SALL3: variants seen among roughly 807,000 people sequenced by gnomAD.
SALL3 encodes sal-like protein 3.
A neutral mutation model predicts 66.2 loss-of-function variants in SALL3; 25 were observed. That is an observed-to-expected ratio of 0.38 (90% confidence interval 0.28 to 0.53). The LOEUF is 0.53. SALL3 is among the 20% of genes least tolerant of loss of function. The pLI, the probability that SALL3 is intolerant of heterozygous loss-of-function variation, is 0.85. For missense variants in SALL3, 2,194 were observed against 1,916.5 expected, an observed-to-expected ratio of 1.14 and a Z score of -2.70; for synonymous variants, 1,152 against 899.1, an observed-to-expected ratio of 1.28 and a Z score of -5.03.
Position 78,980,352 on chromosome 18 carries a change from G to A in SALL3, c.78G>A (p.Glu26=). 1 of 1,437,582 alleles carries A rather than the reference G, an allele frequency of 7.0e-7. No individual in the cohort carries two copies. The highest frequency in any genetic ancestry group is 9.2e-7 in the Non-Finnish European group (1 of 1,089,780). 89.1% of individuals were successfully genotyped at this position (1,437,582 alleles called of 1,614,324 possible). ...TGCTGCCGCCTGACGGGGCTCCCGA[G>A]CACGGTGAGGGCCGGGGCTGCGGGG... is the stretch of plus-strand genomic sequence containing the variant. ...EELLPPDGAP[E]HAAPGEGAED... Residue 26 remains glutamate (E), a synonymous_variant, in exon 1 of 3, where the codon GAG becomes GAA. Transcript: ENST00000537592.
In SALL3 at chr18:78,979,994, AG is replaced by A. The variant is rs1232172924; in HGVS notation, c.-279del. 1.4e-5 allele frequency among the ~76,000 whole-genome samples: 2 copies of A among 144,328 alleles called. No homozygotes were observed. Among genetic ancestry groups the A allele is most frequent in the Non-Finnish European group, 3.1e-5 (2 of 65,206 alleles). 94.7% of individuals were successfully genotyped at this position (144,328 alleles called of 152,430 possible). A position where few individuals can be genotyped will look rare whatever the true frequency, so the allele number is the denominator to read the frequency against. On this transcript the variant is annotated 5_prime_UTR_variant, in exon 1 of 3. Transcript: ENST00000537592. ...CCGGGCAGCGCGCGCCCCGGTCCCG[AG>A]GCGCCGCGGCCCCCTCCTCGTCGGC... is the stretch of plus-strand genomic sequence containing the variant.
chr18:78,996,979 G>T lies in SALL3; in HGVS notation c.3560G>T (p.Gly1187Val), dbSNP rs776658440. 1.9e-6 allele frequency: 3 copies of T among 1,613,950 alleles called. No individual in the cohort carries two copies. Among genetic ancestry groups the T allele is most frequent in the Non-Finnish European group, 1.7e-6 (2 of 1,180,050 alleles). Residue 1187 changes from glycine to valine, a missense_variant, in exon 3 of 3, where the codon GGT (glycine) becomes GTT (valine). Physicochemically the swap from Gly to Val is moderately radical, Grantham distance 109 (BLOSUM62 -3). Coordinates refer to ENST00000537592, the MANE Select transcript of SALL3 (RefSeq NM_171999.4). The stretch of plus-strand genomic sequence containing the variant: ...GAGAACCCCATGGCTCTCCTAGGGG[G>T]TGATGCCCTGAAGTTCTCTGAAATG... ...SVENPMALLG[G>V]DALKFSEMFQ...
At chr18:78,980,673 G>A (rs1914013925) in intron 1 of SALL3, among the ~76,000 whole-genome samples, 1 of 151,458 alleles carries the variant, frequency 6.6e-6, no homozygotes, top group African/African-American at 2.4e-5. Flanking sequence ...GGAGTCCACG[G>A]TGCCTCCGCC....
In SALL3 at chr18:78,989,870, A is replaced by C. The variant is rs189806620; in HGVS notation, c.83-2204A>C. On this transcript the variant is annotated intron_variant, in intron 1 of 2. Transcript: ENST00000537592. Reference sequence around the variant, plus strand: ...CATATAGATGTGTATGGATGGTTTAATGCAGATGAACTTTTTAAGTGGCTA... The same window carrying C: ...CATATAGATGTGTATGGATGGTTTACTGCAGATGAACTTTTTAAGTGGCTA... Among the ~76,000 whole-genome samples, 4 of 152,360 alleles carry C rather than the reference A, an allele frequency of 2.6e-5. No homozygotes were observed. The East Asian group carries it at 7.7e-4, about 29-fold the overall frequency.
chr18:78,988,096 G>A (rs1207093599), intron 1 of SALL3, among the ~76,000 whole-genome samples: 1 of 152,164 alleles, frequency 6.6e-6, no homozygotes, highest in Non-Finnish European at 1.5e-5. Flanking sequence ...AAAAGTTTAG[G>A]CCATATTAAT....
Position 78,993,842 on chromosome 18 carries a change from T to C in SALL3, c.1851T>C (p.Ala617=), listed in dbSNP as rs1339873455. Residue 617 remains alanine (A), a synonymous_variant, in exon 2 of 3, where the codon GCT becomes GCC. Coordinates refer to ENST00000537592, the MANE Select transcript of SALL3 (RefSeq NM_171999.4). ...RAGDAPVGAQ[A]SAAPTSVDGA... is the part of the protein sequence containing the mutation. ...GGGACGCTCCCGTGGGCGCGCAGGCTAGCGCTGCACCCACATCGGTGGACG... is the reference window on the plus strand; with the variant it reads ...GGGACGCTCCCGTGGGCGCGCAGGCCAGCGCTGCACCCACATCGGTGGACG... 12 of 1,560,554 alleles carry C rather than the reference T, an allele frequency of 7.7e-6. No homozygotes were observed. Among genetic ancestry groups the C allele is most frequent in the African/African-American group, 4.1e-5 (3 of 73,456 alleles).
At position 78,996,942 on chromosome 18, in the gene SALL3, C is replaced by T. The variant is rs756550099; in HGVS notation, c.3523C>T (p.Arg1175Cys). 6.8e-6 allele frequency: 11 copies of T among 1,613,200 alleles called. No individual in the cohort carries two copies. The highest frequency in any genetic ancestry group is 5.5e-5 in the South Asian group (5 of 91,080). ...WNNAPARRGR[R>C]LSVENPMALL... The stretch of plus-strand genomic sequence containing the variant: ...TAACGCCCCCGCGAGACGCGGCCGC[C>T]GCCTGTCTGTGGAGAACCCCATGGC... Residue 1175 changes from arginine (R) to cysteine (C), a missense_variant, in exon 3 of 3, where the codon CGC (arginine) becomes TGC (cysteine). Arg to Cys is a radical substitution (Grantham distance 180, BLOSUM62 -3). Transcript: ENST00000537592.
In SALL3 at chr18:78,992,838, C is replaced by T; in HGVS notation, c.847C>T (p.Pro283Ser). 2.3e-5 allele frequency: 23 copies of T among 980,274 alleles called. No individual in the cohort carries two copies. Among genetic ancestry groups the T allele is most frequent in the Non-Finnish European group, 2.8e-5 (23 of 828,142 alleles). 60.7% of individuals were successfully genotyped at this position (980,274 alleles called of 1,614,324 possible). ...AAIAGSGPAA[P>S]AAFEGAQPLS... is the part of the protein sequence containing the mutation. ...CATCGCGGGCTCGGGCCCCGCCGCC[C>T]CGGCCGCCTTCGAGGGCGCGCAGCC... Residue 283 changes from proline to serine, a missense_variant, in exon 2 of 3, where the codon CCG becomes TCG. Coordinates refer to ENST00000537592, the MANE Select transcript of SALL3 (RefSeq NM_171999.4).
rs1421426149 is a variant in SALL3, at chr18:78,980,369, G to A, written c.82+13G>A. ...GCTCCCGAGCACGGTGAGGGCCGGG[G>A]CTGCGGGGTGGCCGGGGGGTCTGGG... On this transcript the variant is annotated intron_variant, in intron 1 of 2. Coordinates refer to ENST00000537592, the MANE Select transcript of SALL3 (RefSeq NM_171999.4). 8.2e-5 allele frequency: 115 copies of A among 1,403,660 alleles called. No homozygotes were observed. The highest frequency in any genetic ancestry group is 1.1e-4 in the Non-Finnish European group (114 of 1,069,858). The allele number at this position is 1,403,660 out of a possible 1,614,324, so 87.0% of individuals were successfully genotyped here. A position where few individuals can be genotyped will look rare whatever the true frequency, so the allele number is the denominator to read the frequency against.
chr18:78,985,211 C>G (rs2146208856), intron 1 of SALL3: 1 of 152,336 alleles, frequency 6.6e-6, no homozygotes, highest in African/African-American at 2.4e-5. Flanking sequence ...GGGCTCACCA[C>G]TGTTCTGTTA....
intron 1 of SALL3, among the ~76,000 whole-genome samples, chr18:78,983,481 G>C (rs922097274): frequency 3.3e-5 from 5 of 152,284 alleles, no homozygotes; most frequent in Non-Finnish European, 5.9e-5. Context: ...TTACCATCCT[G>C]TATTTTGTTT....
chr18:78,995,502 C>G, intron 2 of SALL3, 40 bp downstream of exon 2: 1 of 1,494,570 alleles, frequency 6.7e-7, no homozygotes, highest in Non-Finnish European at 8.8e-7. Context: ...TGCGGTGCGG[C>G]CGAGCCACGG....
rs1439615228 is a variant in SALL3, at chr18:78,979,819, G to C, written c.-456G>C. Among the ~76,000 whole-genome samples, 1 of 145,146 alleles carries C rather than the reference G, an allele frequency of 6.9e-6. No homozygotes were observed. Among genetic ancestry groups the C allele is most frequent in the African/African-American group, 2.5e-5 (1 of 40,624 alleles). ...AAGGGGCGAGCCCGGCGCGCCGGCG[G>C]AGACGGCGCCGCGCGGACGCCGCCA... On this transcript the variant is annotated 5_prime_UTR_variant, in exon 1 of 3. Coordinates refer to ENST00000537592, the MANE Select transcript of SALL3 (RefSeq NM_171999.4).
intron 1 of SALL3, among the ~76,000 whole-genome samples, chr18:78,985,272 C>T (rs1043078287): frequency 2.6e-5 from 4 of 152,200 alleles, no homozygotes; most frequent in Admixed American, 1.3e-4. Flanking sequence ...GAGCTTGCGC[C>T]GTGCTGCACG....
intron 1 of SALL3, among the ~76,000 whole-genome samples, chr18:78,984,803 CTTAA>C (rs1374361380): frequency 2.0e-5 from 3 of 152,204 alleles, no homozygotes; most frequent in Non-Finnish European, 4.4e-5. Context: ...TGATTTGTTT[CTTAA>C]TTAAAGGGAG....
In SALL3 at chr18:78,994,750, C is replaced by T. The variant is rs781771204; in HGVS notation, c.2759C>T (p.Pro920Leu). 1.1e-5 allele frequency: 18 copies of T among 1,601,432 alleles called. No individual in the cohort carries two copies. The highest frequency in any genetic ancestry group is 1.8e-4 in the Middle Eastern group (1 of 5,514). The change falls in exon 2 of 3, where the codon CCG becomes CTG. Residue 920 changes from proline to leucine, a missense_variant. Coordinates refer to ENST00000537592, the MANE Select transcript of SALL3 (RefSeq NM_171999.4). ...SNGESFRSKS[P>L]GLGAPEEPQE... is the part of the protein sequence containing the mutation. Reference sequence around the variant, plus strand: ...GGTGAGAGCTTCCGCTCCAAGTCCCCGGGCCTGGGCGCCCCGGAGGAGCCC... The same window carrying T: ...GGTGAGAGCTTCCGCTCCAAGTCCCTGGGCCTGGGCGCCCCGGAGGAGCCC...
chr18:78,982,066 A>G (rs1914090564), intron 1 of SALL3, among the ~76,000 whole-genome samples: 1 of 152,216 alleles, frequency 6.6e-6, no homozygotes, highest in South Asian at 2.1e-4. Flanking sequence ...ATTAAAGCAT[A>G]TTTTAATTAA....
chr18:78,996,706 G>A (rs1280682259), intron 2 of SALL3, among the ~76,000 whole-genome samples, 185 bp from the exon 3 acceptor site: 1 of 152,214 alleles, frequency 6.6e-6, no homozygotes, highest in Non-Finnish European at 1.5e-5. Context: ...TTTGCTTATT[G>A]TATTCAATAA....
In SALL3 at chr18:78,992,907, G is replaced by A; in HGVS notation, c.916G>A (p.Ala306Thr). The A allele has an allele frequency of 1.0e-6, 1 of 986,784 alleles. No homozygotes were observed. Among genetic ancestry groups the A allele is most frequent in the Non-Finnish European group, 1.2e-6 (1 of 832,720 alleles). 61.1% of individuals were successfully genotyped at this position (986,784 alleles called of 1,614,324 possible). A position where few individuals can be genotyped will look rare whatever the true frequency, so the allele number is the denominator to read the frequency against. ...ESGASTPGGPAEPSAPAAPSA... is the reference protein window; with the variant it reads ...ESGASTPGGPTEPSAPAAPSA... The stretch of plus-strand genomic sequence containing the variant: ...TGGCGCCAGCACCCCCGGCGGCCCT[G>A]CGGAGCCCAGCGCGCCCGCCGCCCC... Residue 306 changes from alanine (A) to threonine (T), a missense_variant, in exon 2 of 3, where the codon GCG (alanine) becomes ACG (threonine). Physicochemically the swap from Ala to Thr is moderately conservative, Grantham distance 58 (BLOSUM62 0). Coordinates refer to ENST00000537592, the MANE Select transcript of SALL3 (RefSeq NM_171999.4).
Sources: gnomAD v4.1 joint callset for allele counts (sites outside exome capture counted in the v4.1 genomes callset) on GRCh38, gnomAD v4.1.1 for gene constraint, MANE v1.5 for transcripts, NCBI Gene and HGNC (gene_info 2026-07-23, HGNC 2026-07-21) for gene names.